FCN2: variants seen among roughly 807,000 people sequenced by gnomAD.
FCN2 encodes ficolin-2.
A neutral mutation model predicts 32.5 loss-of-function variants in FCN2; 31 were observed. The observed-to-expected ratio is 0.96, with a 90% confidence interval of 0.72 to 1.29. The LOEUF (loss-of-function observed/expected upper bound fraction) is 1.29. Ranked by LOEUF, FCN2 falls within the 50% of genes most tolerant of loss-of-function variation. The pLI is 0.00. For missense variants in FCN2, 412 were observed against 406.5 expected (o/e 1.01, Z -0.12); for synonymous variants, 181 against 164.5 (o/e 1.10, Z -0.77).
upstream of FCN2, among the ~76,000 whole-genome samples, chr9:134,876,025 GT>G (rs1830601229): frequency 6.6e-6 from 1 of 152,132 alleles, no homozygotes; most frequent in South Asian, 2.1e-4. Flanking sequence ...ATCTTTTTCT[GT>G]TTCTTTTGAG....
At position 134,885,267 on chromosome 9, in the gene FCN2, C is replaced by A. The variant is rs1402804238; in HGVS notation, c.330C>A (p.Asp110Glu). The A allele has an allele frequency of 6.2e-7, 1 of 1,614,028 alleles. No individual in the cohort carries two copies. Among genetic ancestry groups the A allele is most frequent in the African/African-American group, 1.3e-5 (1 of 74,942 alleles). ...TGPRTCKDLL[D>E]RGHFLSGWHT... ...CGCGTACCTGCAAGGACCTGCTAGA[C>A]CGAGGGCACTTCCTGAGCGGCTGGC... Residue 110 changes from aspartate to glutamate, a missense_variant, in exon 5 of 8, where the codon GAC becomes GAA. By Grantham distance (45) the Asp-to-Glu change is conservative. Transcript: ENST00000291744.
chr9:134,864,347 A>G, the FCN2 span, among the ~76,000 whole-genome samples: 4 of 152,184 alleles, frequency 2.6e-5, no homozygotes, highest in African/African-American at 9.6e-5. Flanking sequence ...TCTGCTGGGC[A>G]GAGCGTCCCT....
At chr9:134,873,763 T>C in the FCN2 span, among the ~76,000 whole-genome samples, 1 of 152,240 alleles carries the variant, frequency 6.6e-6, no homozygotes, top group Non-Finnish European at 1.5e-5. Context: ...CAGCCCTGGG[T>C]ACAAATCAGC....
the FCN2 span, among the ~76,000 whole-genome samples, chr9:134,870,639 C>CG: frequency 7.9e-5 from 12 of 152,064 alleles, no homozygotes; most frequent in East Asian, 1.9e-4. This position sits in a 1 kb window ranked among gnomAD's most constrained non-coding sequence, Gnocchi z 4.3. Context: ...CCCGGCCCTG[C>CG]GGGGGGACAG....
the FCN2 span, among the ~76,000 whole-genome samples, chr9:134,865,870 A>AGTGATTTG: frequency 6.6e-6 from 1 of 152,176 alleles, no homozygotes; most frequent in Non-Finnish European, 1.5e-5. Context: ...CCAAATCATG[A>AGTGATTTG]GTGAACTCCC....
the FCN2 span, among the ~76,000 whole-genome samples, chr9:134,875,024 T>G: frequency 1.3e-5 from 2 of 152,234 alleles, no homozygotes; most frequent in Non-Finnish European, 2.9e-5. Flanking sequence ...ACAACGGATT[T>G]TATATATTGA....
At chr9:134,868,982 G>T in the FCN2 span, among the ~76,000 whole-genome samples, 1 of 152,224 alleles carries the variant, frequency 6.6e-6, no homozygotes. This position sits in a 1 kb window ranked among gnomAD's most constrained non-coding sequence, Gnocchi z 4.3. Flanking sequence ...ATCCCCGGAA[G>T]CTTCCAAGTG....
At chr9:134,883,797 G>T (rs537790683) in intron 3 of FCN2, among the ~76,000 whole-genome samples, 3 of 145,092 alleles carry the variant, frequency 2.1e-5, no homozygotes, top group South Asian at 2.3e-4. Flanking sequence ...ATTCTGGGAT[G>T]GGGGAGAGGT....
At chr9:134,868,436 CA>C in the FCN2 span, 3 of 199,602 alleles carry the variant, frequency 1.5e-5, no homozygotes, top group African/African-American at 7.0e-5. This position sits in a 1 kb window ranked among gnomAD's most constrained non-coding sequence, Gnocchi z 4.3. Flanking sequence ...GGAACAACTA[CA>C]GCTACAAGGT....
upstream of FCN2, among the ~76,000 whole-genome samples, chr9:134,878,603 G>A (rs1564204805): frequency 6.6e-6 from 1 of 152,200 alleles, no homozygotes; most frequent in Non-Finnish European, 1.5e-5. Context: ...AACACTTAGG[G>A]AGGCCAAGGT....
chr9:134,875,198 C>A, the FCN2 span, among the ~76,000 whole-genome samples: 1 of 152,224 alleles, frequency 6.6e-6, no homozygotes, highest in Non-Finnish European at 1.5e-5. Context: ...GTGACACTGA[C>A]TAGGACCTCT....
intron 5 of FCN2, 143 bp from the exon 6 acceptor site, chr9:134,885,625 G>A: frequency 8.3e-7 from 1 of 1,201,614 alleles, no homozygotes; most frequent in Non-Finnish European, 1.2e-6. Flanking sequence ...TGTGGAGTCT[G>A]TGAGGAGAAC....
chr9:134,887,045 G>GC, intron 7 of FCN2, 123 bp from the exon 8 acceptor site: 1 of 1,120,496 alleles, frequency 8.9e-7, no homozygotes, highest in South Asian at 1.2e-5. Flanking sequence ...CTTGGATTGT[G>GC]CAGTGCACAA....
At chr9:134,884,816 C>G in intron 4 of FCN2, 44 bp downstream of exon 4, 1 of 1,598,282 alleles carries the variant, frequency 6.3e-7, no homozygotes. Flanking sequence ...TGTGGCTGCC[C>G]TTGGCTGGAA....
At chr9:134,884,676 A>G (rs201605233) in intron 3 of FCN2, 64 bp from the exon 4 acceptor site, 20 of 1,521,490 alleles carry the variant, frequency 1.3e-5, no homozygotes, top group Admixed American at 8.4e-5. Flanking sequence ...CCGCGGACCA[A>G]TGGGGGCTGA....
In FCN2 at chr9:134,885,378, G is replaced by T; in HGVS notation, c.429+12G>T. On this transcript the variant is annotated intron_variant, in intron 5 of 7. Coordinates refer to ENST00000291744, the MANE Select transcript of FCN2 (RefSeq NM_004108.3). ...GAGGGGGCTGGACCGTGAGTGTGGG[G>T]CTGGGCAGAGGCGGTCAGCCTGGGA... 2 of 1,612,552 alleles carry T rather than the reference G, an allele frequency of 1.2e-6. No individual in the cohort carries two copies. The highest frequency in any genetic ancestry group is 1.7e-6 in the Non-Finnish European group (2 of 1,179,416).
chr9:134,880,880 T>C lies in FCN2; in HGVS notation c.59T>C (p.Leu20Pro), dbSNP rs774615218. The C allele has an allele frequency of 8.1e-6, 13 of 1,613,336 alleles. No individual in the cohort carries two copies. The highest frequency in any genetic ancestry group is 2.7e-5 in the African/African-American group (2 of 74,856). ...GCTGCCACCCTGCTGCTCTCTTTCC[T>C]GGGCATGGCCTGGGCTCTCCAGGCG... ...LGAATLLLSFLGMAWALQAAD... is the reference protein window; with the variant it reads ...LGAATLLLSFPGMAWALQAAD... Residue 20 changes from leucine (L) to proline (P), a missense_variant, in exon 1 of 8, where the codon CTG becomes CCG. Physicochemically the swap from Leu to Pro is moderately conservative, Grantham distance 98. Transcript: ENST00000291744.
intron 4 of FCN2, 29 bp downstream of exon 4, chr9:134,884,801 C>T (rs55985459): frequency 1.4e-4 from 220 of 1,609,946 alleles, no homozygotes; most frequent in African/African-American, 1.0e-3. Flanking sequence ...ACTCCTCCCA[C>T]GGCTTGTGGC....
rs370187769 is a variant in FCN2, at chr9:134,882,652, A to G, written c.214+13A>G. ...AATGGAAAGAGAGGTAGGTGCAGGC[A>G]TGGCTGGGGGCACTGGCTCTTGCTC... is the stretch of plus-strand genomic sequence containing the variant. On this transcript the variant is annotated intron_variant, in intron 2 of 7. Coordinates refer to ENST00000291744, the MANE Select transcript of FCN2 (RefSeq NM_004108.3). 1.3e-6 allele frequency: 2 copies of G among 1,561,712 alleles called. No individual in the cohort carries two copies. Among genetic ancestry groups the G allele is most frequent in the Non-Finnish European group, 1.8e-6 (2 of 1,132,708 alleles).
Sources: gnomAD v4.1 joint callset for allele counts (sites outside exome capture counted in the v4.1 genomes callset) on GRCh38, gnomAD v4.1.1 for gene constraint, Gnocchi (gnomAD v3.1) non-coding constraint, MANE v1.5 for transcripts, NCBI Gene and HGNC (gene_info 2026-07-23, HGNC 2026-07-21) for gene names.